Variants in NKAIN3 observed in about 807,000 individuals in gnomAD.
NKAIN3 encodes the protein sodium/potassium-transporting ATPase subunit beta-1-interacting protein 3.
A neutral mutation model predicts 30.2 loss-of-function variants in NKAIN3; 25 were observed. That is an observed-to-expected ratio of 0.83 (90% CI 0.60 to 1.16). NKAIN3 has a LOEUF of 1.16. NKAIN3 is among the 50% of genes most tolerant of loss of function. The pLI, the probability that NKAIN3 is intolerant of heterozygous loss-of-function variation, is 0.00. For missense variants in NKAIN3, 225 were observed against 254.1 expected, an observed-to-expected ratio of 0.89 and a Z score of 0.78; for synonymous variants, 91 against 89.6, an observed-to-expected ratio of 1.02 and a Z score of -0.09.
chr8:62,516,283 C>G (rs1807979457), intron 1 of NKAIN3, among the ~76,000 whole-genome samples: 1 of 152,074 alleles, frequency 6.6e-6, no homozygotes, highest in Admixed American at 6.6e-5. Context: ...GTAGTTTTCT[C>G]CCAATACCTT....
chr8:62,811,700 G>C (rs1818494306), intron 4 of NKAIN3, among the ~76,000 whole-genome samples: 1 of 151,822 alleles, frequency 6.6e-6, no homozygotes, highest in African/African-American at 2.4e-5. Context: ...TGTGTCTTTT[G>C]CCAATTTTAT....
chr8:62,747,254 C>T (rs531204667), intron 4 of NKAIN3, 125 bp downstream of exon 4: 2 of 610,358 alleles, frequency 3.3e-6, no homozygotes, highest in Middle Eastern at 4.2e-4. Context: ...GAAATAGAAG[C>T]AATTATGGTA....
intron 3 of NKAIN3, among the ~76,000 whole-genome samples, chr8:62,694,475 C>T (rs1484277223): frequency 6.6e-6 from 1 of 152,160 alleles, no homozygotes; most frequent in Non-Finnish European, 1.5e-5. Flanking sequence ...ACCACATCTT[C>T]TCAGTCATAT....
chr8:62,812,657 A>C (rs1251158396), intron 4 of NKAIN3, among the ~76,000 whole-genome samples: 1 of 151,768 alleles, frequency 6.6e-6, no homozygotes, highest in Non-Finnish European at 1.5e-5. Flanking sequence ...TGTCATCTGC[A>C]AATAGAAATG....
chr8:62,785,116 C>A (rs1023590829), intron 4 of NKAIN3, among the ~76,000 whole-genome samples: 2 of 152,046 alleles, frequency 1.3e-5, no homozygotes, highest in African/African-American at 4.8e-5. Flanking sequence ...TAAGTATATA[C>A]CCAAGAAAAA....
chr8:62,345,357 A>G lies in NKAIN3; in HGVS notation c.54+96230A>G, dbSNP rs1334644085. Among the ~76,000 whole-genome samples the G allele has an allele frequency of 4.5e-3, 53 of 11,748 alleles. 1 individual carries two copies. Among genetic ancestry groups the G allele is most frequent in the Admixed American group, 7.2e-3 (6 of 836 alleles). The allele number at this position is 11,748 out of a possible 152,430, so 7.7% of individuals were successfully genotyped here. On this transcript the variant is annotated intron_variant, in intron 1 of 6. Transcript: ENST00000623646. ...TATGTATATATACACACATATACAC[A>G]TATATGTATATATACACATATATGT... is the stretch of plus-strand genomic sequence containing the variant.
chr8:62,568,694 G>T (rs1368614024), intron 1 of NKAIN3, among the ~76,000 whole-genome samples: 2 of 151,990 alleles, frequency 1.3e-5, no homozygotes, highest in Non-Finnish European at 2.9e-5. Context: ...TAGACTTGCC[G>T]CACAACATGT....
intron 4 of NKAIN3, among the ~76,000 whole-genome samples, chr8:62,773,256 G>A (rs1271111363): frequency 6.6e-6 from 1 of 152,042 alleles, no homozygotes; most frequent in Admixed American, 6.6e-5. Flanking sequence ...TTGGAGTATG[G>A]TTTCATTTAT....
At chr8:62,821,521 A>T (rs866694898) in intron 4 of NKAIN3, among the ~76,000 whole-genome samples, 1 of 152,228 alleles carries the variant, frequency 6.6e-6, no homozygotes, top group Middle Eastern at 3.4e-3. Flanking sequence ...ATGTGTAATG[A>T]GGGGAACTCT....
At chr8:62,568,576 T>C (rs1233021837) in intron 1 of NKAIN3, among the ~76,000 whole-genome samples, 1 of 152,212 alleles carries the variant, frequency 6.6e-6, no homozygotes, top group East Asian at 1.9e-4. Context: ...CTTTTTCAGT[T>C]CATCAACTTC....
At chr8:62,729,022 A>ACAAC (rs1168523605) in intron 3 of NKAIN3, among the ~76,000 whole-genome samples, 2 of 69,198 alleles carry the variant, frequency 2.9e-5, no homozygotes, top group African/African-American at 1.1e-4. Flanking sequence ...AAACAAACAA[A>ACAAC]CCAAAAAAAA....
chr8:62,478,262 G>A (rs918479126), intron 1 of NKAIN3, among the ~76,000 whole-genome samples: 7 of 152,228 alleles, frequency 4.6e-5, no homozygotes, highest in African/African-American at 9.6e-5. Context: ...GTTAGTAGTT[G>A]CTCCAGTATT....
chr8:62,826,311 T>A (rs1819022544), intron 4 of NKAIN3, among the ~76,000 whole-genome samples: 1 of 152,152 alleles, frequency 6.6e-6, no homozygotes, highest in Non-Finnish European at 1.5e-5. Context: ...CTTAAAAATC[T>A]AGTCCAAGAA....
At chr8:62,548,243 A>G (rs1809079030) in intron 1 of NKAIN3, among the ~76,000 whole-genome samples, 1 of 152,226 alleles carries the variant, frequency 6.6e-6, no homozygotes, top group African/African-American at 2.4e-5. Flanking sequence ...TTGAACTTTA[A>G]TAAATGAACT....
chr8:62,387,185 A>T (rs1432797713), intron 1 of NKAIN3, among the ~76,000 whole-genome samples: 3 of 152,162 alleles, frequency 2.0e-5, no homozygotes, highest in Non-Finnish European at 2.9e-5. Context: ...CATTAAAATC[A>T]GGGAATCATC....
intron 1 of NKAIN3, among the ~76,000 whole-genome samples, chr8:62,566,417 T>G (rs1008340981): frequency 5.3e-5 from 8 of 152,030 alleles, no homozygotes; most frequent in Non-Finnish European, 1.0e-4. Context: ...TTTGTACTCC[T>G]AGTGCTTACC....
chr8:62,597,434 A>T (rs1399603211), intron 3 of NKAIN3, among the ~76,000 whole-genome samples: 2 of 152,062 alleles, frequency 1.3e-5, no homozygotes, highest in African/African-American at 4.8e-5. Context: ...ATTTCTTCAA[A>T]GTTGAATATC....
chr8:62,809,423 A>G (rs893675787), intron 4 of NKAIN3, among the ~76,000 whole-genome samples: 9 of 152,184 alleles, frequency 5.9e-5, no homozygotes, highest in African/African-American at 2.2e-4. Context: ...AAGAAATTAT[A>G]AAAGTACTAA....
chr8:62,858,079 T>C (rs1240025740), intron 4 of NKAIN3, among the ~76,000 whole-genome samples: 1 of 152,172 alleles, frequency 6.6e-6, no homozygotes, highest in Admixed American at 6.5e-5. Context: ...GTTGTTGTTT[T>C]TCTTTGAACA....
Sources: gnomAD v4.1 joint callset for allele counts (sites outside exome capture counted in the v4.1 genomes callset) on GRCh38, gnomAD v4.1.1 for gene constraint, MANE v1.5 for transcripts, NCBI Gene and HGNC (gene_info 2026-07-23, HGNC 2026-07-21) for gene names.